DCC: variants seen among roughly 807,000 people sequenced by gnomAD.
The protein encoded by DCC is DCC netrin 1 receptor.
A neutral mutation model predicts 172.5 loss-of-function variants in DCC; 58 were observed. That is an observed-to-expected ratio of 0.34 (90% CI 0.27 to 0.42). The LOEUF (loss-of-function observed/expected upper bound fraction) is 0.42. DCC is among the 10% of genes least tolerant of loss of function. DCC has a pLI of 1.00. For synonymous variants in DCC, 709 were observed against 644.5 expected (o/e 1.10, Z -1.52); for missense variants, 1,740 against 1,791.0 (o/e 0.97, Z 0.51).
At chr18:53,100,624 G>A (rs1436668946) in intron 7 of DCC, among the ~76,000 whole-genome samples, 3 of 151,650 alleles carry the variant, frequency 2.0e-5, no homozygotes, top group African/African-American at 4.8e-5. Context: ...AAGGGAGGTG[G>A]GGAAGAAAGG....
intron 7 of DCC, among the ~76,000 whole-genome samples, chr18:53,100,087 T>C (rs776889506): frequency 6.6e-6 from 1 of 151,616 alleles, no homozygotes; most frequent in Non-Finnish European, 1.5e-5. Context: ...GCTGGGATTA[T>C]AGGCAGGCAC....
At chr18:53,202,014 A>G (rs531658855) in intron 9 of DCC, among the ~76,000 whole-genome samples, 3 of 152,296 alleles carry the variant, frequency 2.0e-5, no homozygotes, top group African/African-American at 7.2e-5. Flanking sequence ...ATGTATATAA[A>G]CATTTGTGTA....
intron 12 of DCC, among the ~76,000 whole-genome samples, chr18:53,261,446 A>G (rs1048221371): frequency 3.3e-5 from 5 of 152,158 alleles, no homozygotes; most frequent in East Asian, 3.9e-4. Flanking sequence ...CTCAGTTTCA[A>G]TAAGGAGCTG....
At chr18:53,114,905 G>C (rs753891170) in intron 7 of DCC, among the ~76,000 whole-genome samples, 1 of 151,644 alleles carries the variant, frequency 6.6e-6, no homozygotes. Context: ...ATGTGTCCAA[G>C]TGCAATTATT....
intron 1 of DCC, among the ~76,000 whole-genome samples, chr18:52,525,949 C>A (rs887021678): frequency 3.3e-5 from 5 of 152,204 alleles, no homozygotes; most frequent in Non-Finnish European, 7.3e-5. Context: ...ACCTAACACC[C>A]TAAGGTCCAA....
At chr18:53,214,208 G>A (rs375624648) in intron 11 of DCC, among the ~76,000 whole-genome samples, 1 of 152,014 alleles carries the variant, frequency 6.6e-6, no homozygotes, top group East Asian at 1.9e-4. Flanking sequence ...AAGCAGATGA[G>A]CATTTTGTCA....
intron 1 of DCC, among the ~76,000 whole-genome samples, chr18:52,454,974 T>C: frequency 6.6e-6 from 1 of 152,186 alleles, no homozygotes; most frequent in East Asian, 1.9e-4. Context: ...TTAGTGCAAT[T>C]GTTTCCAATT....
At chr18:52,864,959 A>G (rs2039198807) in intron 2 of DCC, among the ~76,000 whole-genome samples, 2 of 151,552 alleles carry the variant, frequency 1.3e-5, no homozygotes, top group African/African-American at 2.4e-5. Context: ...TCTGCCTCCC[A>G]GGTTCACGCC....
At chr18:53,199,223 T>C (rs377387551) in intron 9 of DCC, among the ~76,000 whole-genome samples, 1 of 152,128 alleles carries the variant, frequency 6.6e-6, no homozygotes. Context: ...CCTGAGTAGC[T>C]GGGATTACAG....
At chr18:52,660,626 T>G (rs1168535582) in intron 1 of DCC, among the ~76,000 whole-genome samples, 1 of 152,182 alleles carries the variant, frequency 6.6e-6, no homozygotes, top group East Asian at 1.9e-4. Context: ...CTATAAGTCT[T>G]TCTTAACTTT....
At chr18:53,421,476 A>T (rs1022278623) in intron 21 of DCC, among the ~76,000 whole-genome samples, 2 of 152,210 alleles carry the variant, frequency 1.3e-5, no homozygotes, top group African/African-American at 4.8e-5. Flanking sequence ...GAAGAGGCCT[A>T]CGTACATAGG....
intron 1 of DCC, among the ~76,000 whole-genome samples, chr18:52,750,328 C>T (rs1291320339): frequency 6.6e-6 from 1 of 152,128 alleles, no homozygotes; most frequent in Admixed American, 6.5e-5. Context: ...ATGTACTTCC[C>T]ACTAGAAGAA....
Position 53,157,510 on chromosome 18 carries a change from C to G in DCC, c.1416C>G (p.Asn472Lys). 6.2e-7 allele frequency: 1 copy of G among 1,614,020 alleles called. No individual in the cohort carries two copies. Among genetic ancestry groups the G allele is most frequent in the Non-Finnish European group, 8.5e-7 (1 of 1,179,954 alleles). The change falls in exon 8 of 29, where the codon AAC becomes AAG. Residue 472 changes from asparagine to lysine, a missense_variant and splice_region_variant. This residue lies in a region of DCC where 1,732 missense variants were observed against 1,767.4 expected (regional missense o/e 0.98). Coordinates refer to ENST00000442544, the MANE Select transcript of DCC (RefSeq NM_005215.4). ...FTVFFSREGDNRERALNTTQP... is the reference protein window; with the variant it reads ...FTVFFSREGDKRERALNTTQP... ...TCTTTTTCTCCAGAGAAGGTGACAA[C>G]AGGTAGGTGATGCTACCAATAAAAT...
At chr18:52,828,644 A>C (rs1332570435) in intron 2 of DCC, among the ~76,000 whole-genome samples, 2 of 152,162 alleles carry the variant, frequency 1.3e-5, no homozygotes, top group African/African-American at 2.4e-5. Context: ...GGCCAACAGA[A>C]GACTCATTTC....
chr18:52,479,530 A>ATC (rs142961729), intron 1 of DCC, among the ~76,000 whole-genome samples: 31 of 138,230 alleles, frequency 2.2e-4, no homozygotes, highest in Non-Finnish European at 3.0e-4. Flanking sequence ...CCCCCTCCTC[A>ATC]TCTCTCTCTC....
At chr18:52,612,838 T>G (rs754463806) in intron 1 of DCC, among the ~76,000 whole-genome samples, 9 of 152,246 alleles carry the variant, frequency 5.9e-5, no homozygotes, top group Non-Finnish European at 1.2e-4. Flanking sequence ...GCACAGCACC[T>G]GTCTGAATGG....
intron 1 of DCC, among the ~76,000 whole-genome samples, chr18:52,461,158 T>A (rs1988617303): frequency 6.6e-6 from 1 of 152,206 alleles, no homozygotes; most frequent in Non-Finnish European, 1.5e-5. Flanking sequence ...TTTTTATTCC[T>A]TTATTTTCGT....
intron 1 of DCC, among the ~76,000 whole-genome samples, chr18:52,751,174 A>C (rs1259896899): frequency 1.3e-5 from 2 of 152,242 alleles, no homozygotes; most frequent in Non-Finnish European, 2.9e-5. Flanking sequence ...GACTTGAATG[A>C]TTTAAGTATA....
chr18:52,884,077 T>C (rs1268799970), intron 2 of DCC, among the ~76,000 whole-genome samples: 1 of 152,094 alleles, frequency 6.6e-6, no homozygotes, highest in East Asian at 1.9e-4. Context: ...GCCAGACATA[T>C]TGGAGCTTCA....
Sources: allele counts gnomAD v4.1 joint callset (sites outside exome capture counted in the v4.1 genomes callset), GRCh38; gene constraint gnomAD v4.1.1; regional missense constraint gnomAD v4.1.1; transcripts MANE v1.5; gene names NCBI Gene and HGNC (gene_info 2026-07-23, HGNC 2026-07-21).